The following DNAH9 variants were observed in gnomAD, a reference collection of about 807,000 sequenced individuals.
The protein encoded by DNAH9 is DNAH9 variant protein.
A neutral mutation model predicts 471.6 loss-of-function variants in DNAH9; 345 were observed. That is an observed-to-expected ratio of 0.73 (90% confidence interval 0.67 to 0.80). The LOEUF is 0.80. Ranked by LOEUF, DNAH9 falls within the 30% of genes least tolerant of loss-of-function variation. DNAH9 has a pLI of 0.00. For missense variants in DNAH9, 5,407 were observed against 5,609.2 expected (o/e 0.96, Z 1.15); for synonymous variants, 2,093 against 2,123.6 (o/e 0.99, Z 0.40).
intron 44 of DNAH9, among the ~76,000 whole-genome samples, chr17:11,809,926 A>T (rs1969829348): frequency 6.6e-6 from 1 of 152,150 alleles, no homozygotes; most frequent in East Asian, 1.9e-4. Context: ...TGCACAAAGC[A>T]GGAGCTCCAG....
At chr17:11,916,329 TA>T (rs1445979505) in intron 61 of DNAH9, among the ~76,000 whole-genome samples, 1 of 152,218 alleles carries the variant, frequency 6.6e-6, no homozygotes, top group African/African-American at 2.4e-5. Context: ...GCCCTTGGCT[TA>T]ATCTTAATGG....
intron 15 of DNAH9, among the ~76,000 whole-genome samples, chr17:11,665,662 A>G (rs2073853366): frequency 6.6e-6 from 1 of 152,232 alleles, no homozygotes; most frequent in African/African-American, 2.4e-5. Context: ...AGAGTTCAGG[A>G]CTAAAAGTCG....
chr17:11,800,839 C>T (rs1969428238), intron 43 of DNAH9, among the ~76,000 whole-genome samples: 1 of 152,196 alleles, frequency 6.6e-6, no homozygotes, highest in Non-Finnish European at 1.5e-5. Flanking sequence ...GGGATCCTAA[C>T]CTCTAGGACA....
At chr17:11,887,479 G>T (rs1023884517) in intron 57 of DNAH9, among the ~76,000 whole-genome samples, 8 of 152,114 alleles carry the variant, frequency 5.3e-5, no homozygotes, top group Non-Finnish European at 1.2e-4. Flanking sequence ...TTAGCAAATT[G>T]TAAGTGCTGA....
intron 20 of DNAH9, among the ~76,000 whole-genome samples, chr17:11,691,261 C>T (rs1479192274): frequency 2.0e-5 from 3 of 152,150 alleles, no homozygotes; most frequent in Non-Finnish European, 2.9e-5. Flanking sequence ...GAAAACAATT[C>T]TGTATGGCAG....
At chr17:11,825,595 C>T (rs751856112) in intron 48 of DNAH9, among the ~76,000 whole-genome samples, 2 of 152,144 alleles carry the variant, frequency 1.3e-5, no homozygotes, top group Non-Finnish European at 2.9e-5. Context: ...CTGGCTATAC[C>T]ATTAGGTGAC....
intron 10 of DNAH9, among the ~76,000 whole-genome samples, chr17:11,642,536 G>A (rs1469103875): frequency 1.3e-5 from 2 of 152,090 alleles, no homozygotes; most frequent in African/African-American, 4.8e-5. Flanking sequence ...TGGGCAACAA[G>A]AGCGAAACTC....
rs1974768831 is a variant in DNAH9, at chr17:11,937,957, C to G, written c.12660+435C>G. ...AACCAGATGCCAGTGGGGAAGAACA[C>G]AGTCCTTCATAATGCAAACGCCTTC... is the stretch of plus-strand genomic sequence containing the variant. On this transcript the variant is annotated intron_variant, in intron 66 of 68. Transcript: ENST00000262442. The surrounding 1 kb of genome is among the most constrained non-coding windows in gnomAD (Gnocchi z 4.1). Among the ~76,000 whole-genome samples, 1 of 152,218 alleles carries G rather than the reference C, an allele frequency of 6.6e-6. No individual in the cohort carries two copies. The highest frequency in any genetic ancestry group is 1.5e-5 in the Non-Finnish European group (1 of 68,032).
rs563753086 is a variant in DNAH9, at chr17:11,757,641, C to A, written c.6944C>A (p.Thr2315Asn). 4 of 1,614,150 alleles carry A rather than the reference C, an allele frequency of 2.5e-6. No individual in the cohort carries two copies. In the East Asian group the frequency reaches 8.9e-5, roughly 36 times the overall value. ...REIQTERANLTILFDKYLPTC... is the reference protein window; with the variant it reads ...REIQTERANLNILFDKYLPTC... ...ATCCAGACAGAGAGAGCCAACTTAA[C>A]CATTTTGTTCGACAAGTATCTTCCA... Residue 2315 changes from threonine (T) to asparagine (N), a missense_variant, in exon 35 of 69, where the codon ACC becomes AAC. Physicochemically the swap from Thr to Asn is moderately conservative, Grantham distance 65. Coordinates refer to ENST00000262442, the MANE Select transcript of DNAH9 (RefSeq NM_001372.4).
chr17:11,808,818 G>A (rs1374749356), intron 44 of DNAH9, among the ~76,000 whole-genome samples: 1 of 152,166 alleles, frequency 6.6e-6, no homozygotes, highest in Non-Finnish European at 1.5e-5. Flanking sequence ...TAACTAGTCT[G>A]GGGAATGGCC....
At chr17:11,925,425 C>G (rs561965071) in intron 62 of DNAH9, 70 of 297,708 alleles carry the variant, frequency 2.4e-4, no homozygotes, top group African/African-American at 1.4e-3. Context: ...ACTGAGAGAT[C>G]TGCCCCTCCC....
chr17:11,888,231 G>A (rs778894464), intron 57 of DNAH9, among the ~76,000 whole-genome samples: 10 of 151,996 alleles, frequency 6.6e-5, no homozygotes, highest in Non-Finnish European at 8.8e-5. Context: ...TGATCCGCCC[G>A]CCTCGGCCTC....
chr17:11,931,317 A>G (rs557287312), intron 63 of DNAH9, among the ~76,000 whole-genome samples: 1 of 152,334 alleles, frequency 6.6e-6, no homozygotes, highest in South Asian at 2.1e-4. Context: ...GCCAGCTCAC[A>G]TGTGTCAGAT....
chr17:11,683,799 G>C (rs1014014115), intron 19 of DNAH9, among the ~76,000 whole-genome samples: 3 of 152,204 alleles, frequency 2.0e-5, no homozygotes, highest in Admixed American at 6.5e-5. Flanking sequence ...ATCCCTGGAA[G>C]AGGATGCTTT....
intron 53 of DNAH9, chr17:11,875,733 T>C (rs1046644898): frequency 1.3e-5 from 2 of 152,994 alleles, no homozygotes; most frequent in Non-Finnish European, 2.9e-5. Context: ...TGTGGGAAAG[T>C]TACCACGTGA....
At chr17:11,954,923 T>C (rs947968441) in intron 67 of DNAH9, among the ~76,000 whole-genome samples, 4 of 152,222 alleles carry the variant, frequency 2.6e-5, no homozygotes, top group Non-Finnish European at 5.9e-5. Context: ...CAAAATCTTT[T>C]TTTAAAAATA....
intron 17 of DNAH9, among the ~76,000 whole-genome samples, chr17:11,673,416 A>G (rs554185625): frequency 6.6e-6 from 1 of 152,194 alleles, no homozygotes; most frequent in South Asian, 2.1e-4. Context: ...CTTCTTAAAT[A>G]TTCCCTATCT....
chr17:11,946,770 A>G (rs545100036), intron 67 of DNAH9, among the ~76,000 whole-genome samples: 65 of 152,204 alleles, frequency 4.3e-4, no homozygotes, highest in African/African-American at 1.5e-3. Context: ...TTGCAAGCCG[A>G]AAAATAAAAT....
chr17:11,607,490 CT>C (rs1406239091), intron 1 of DNAH9, among the ~76,000 whole-genome samples: 1 of 152,196 alleles, frequency 6.6e-6, no homozygotes, highest in African/African-American at 2.4e-5. Flanking sequence ...ATTCCACCAG[CT>C]GGCAGGGAAC....
Sources: allele counts gnomAD v4.1 joint callset (sites outside exome capture counted in the v4.1 genomes callset), GRCh38; gene constraint gnomAD v4.1.1; non-coding constraint Gnocchi (gnomAD v3.1); transcripts MANE v1.5; gene names NCBI Gene and HGNC (gene_info 2026-07-23, HGNC 2026-07-21).